The following ANKFY1 variants were observed in gnomAD, a reference collection of about 807,000 sequenced individuals.
ANKFY1 encodes the protein ankyrin repeat and FYVE domain-containing protein 1.
A neutral mutation model predicts 128.3 loss-of-function variants in ANKFY1; 47 were observed. The ratio of observed to expected loss-of-function variants is 0.37; its 90% CI spans 0.29 to 0.47. The LOEUF (loss-of-function observed/expected upper bound fraction) is 0.47, where lower values mean the gene tolerates loss of function less well. ANKFY1 is among the 20% of genes least tolerant of loss of function. The pLI, the probability that ANKFY1 is intolerant of heterozygous loss-of-function variation, is 1.00. For missense variants in ANKFY1, 1,222 were observed against 1,510.6 expected, an observed-to-expected ratio of 0.81 and a Z score of 3.17; for synonymous variants, 553 against 601.6, an observed-to-expected ratio of 0.92 and a Z score of 1.18.
At chr17:4,208,120 C>A (rs1453653353) in intron 5 of ANKFY1, 38 bp from the exon 6 acceptor site, 1 of 1,557,248 alleles carries the variant, frequency 6.4e-7, no homozygotes, top group Non-Finnish European at 8.7e-7. Flanking sequence ...AGAACAGACA[C>A]AAGGCAATGA....
chr17:4,263,624 T>C, intron 1 of ANKFY1: 1 of 1,534,792 alleles, frequency 6.5e-7, no homozygotes. Context: ...CCGCCGGCAA[T>C]CAAGAGCCTC....
chr17:4,233,779 C>G (rs1415725768), intron 3 of ANKFY1, among the ~76,000 whole-genome samples: 2 of 152,170 alleles, frequency 1.3e-5, no homozygotes, highest in Admixed American at 6.5e-5. Flanking sequence ...GGCCTGTTTC[C>G]TCCAGCAGAG....
chr17:4,202,646 G>GAGATT (rs1338936730), intron 7 of ANKFY1, among the ~76,000 whole-genome samples: 2 of 127,836 alleles, frequency 1.6e-5, no homozygotes, highest in South Asian at 2.6e-4. Context: ...GCAGTGAGTC[G>GAGATT]AGATTGTGCC....
chr17:4,237,954 G>A (rs1966992089), intron 2 of ANKFY1, among the ~76,000 whole-genome samples: 1 of 151,942 alleles, frequency 6.6e-6, no homozygotes, highest in African/African-American at 2.4e-5. Flanking sequence ...AGGTTTGTTT[G>A]GTAAAAGAAT....
chr17:4,217,273 G>A (rs141119610), intron 3 of ANKFY1, among the ~76,000 whole-genome samples, 155 bp from the exon 4 acceptor site: 2 of 152,220 alleles, frequency 1.3e-5, no homozygotes, highest in Admixed American at 1.3e-4. Context: ...ACTCGGCCGG[G>A]TGCAGTGGCT....
intron 3 of ANKFY1, among the ~76,000 whole-genome samples, chr17:4,220,646 C>T (rs1037027797): frequency 1.3e-5 from 2 of 152,182 alleles, no homozygotes; most frequent in East Asian, 3.8e-4. Flanking sequence ...TACAAGCTTT[C>T]CCACTCCTGC....
intron 2 of ANKFY1, among the ~76,000 whole-genome samples, chr17:4,240,820 T>C (rs1000916460): frequency 2.0e-5 from 3 of 152,322 alleles, no homozygotes. Context: ...CTACCCTGCT[T>C]TTCCCACCTC....
chr17:4,170,685 C>T (rs1230379624), intron 23 of ANKFY1, 30 bp downstream of exon 23: 1 of 1,589,212 alleles, frequency 6.3e-7, no homozygotes, highest in Non-Finnish European at 8.6e-7. Context: ...ACTGTGCTTG[C>T]ACTGTGAGAG....
intron 2 of ANKFY1, among the ~76,000 whole-genome samples, chr17:4,241,227 AG>A (rs1474821891): frequency 1.3e-5 from 2 of 151,022 alleles, no homozygotes; most frequent in African/African-American, 4.9e-5. Flanking sequence ...TATAGATTGA[AG>A]TCACATAGCT....
chr17:4,252,090 CAAT>C (rs1967865903), intron 1 of ANKFY1, among the ~76,000 whole-genome samples: 1 of 148,540 alleles, frequency 6.7e-6, no homozygotes, highest in Admixed American at 6.7e-5. Flanking sequence ...TCTTACAGCT[CAAT>C]AAGACAACCC....
chr17:4,251,209 T>C (rs565588405), intron 1 of ANKFY1, among the ~76,000 whole-genome samples: 2 of 152,310 alleles, frequency 1.3e-5, no homozygotes, highest in African/African-American at 4.8e-5. Context: ...TGGAGATCCA[T>C]ATGAAAACGC....
chr17:4,222,871 C>T (rs1178009638), intron 3 of ANKFY1: 53 of 970,084 alleles, frequency 5.5e-5, no homozygotes, highest in Non-Finnish European at 7.9e-5. Context: ...ACTCAGTATC[C>T]GAGAGCTGAC....
intron 7 of ANKFY1, 48 bp downstream of exon 7, chr17:4,206,273 G>C: frequency 6.3e-7 from 1 of 1,588,472 alleles, no homozygotes; most frequent in Non-Finnish European, 8.6e-7. Context: ...AAAATTACTC[G>C]GATAAAAATA....
chr17:4,189,315 C>A lies in ANKFY1; in HGVS notation c.1470+67G>T, dbSNP rs2059669539. ...AAACCACCTATTCCCCTTTTTCCTA[C>A]ATATCCACCACTGCCATTTCTTCCA... On this transcript the variant is annotated intron_variant, in intron 11 of 24. Coordinates refer to ENST00000341657, the MANE Select transcript of ANKFY1 (RefSeq NM_001330063.2). 1.8e-5 allele frequency: 24 copies of A among 1,359,544 alleles called. No homozygotes were observed. In the East Asian group the frequency reaches 6.1e-4, roughly 35 times the overall value. The allele number at this position is 1,359,544 out of a possible 1,614,324, so 84.2% of individuals were successfully genotyped here. A position where few individuals can be genotyped will look rare whatever the true frequency, so the allele number is the denominator to read the frequency against.
intron 10 of ANKFY1, 151 bp downstream of exon 10, chr17:4,194,827 C>T: frequency 1.4e-6 from 1 of 727,826 alleles, no homozygotes; most frequent in Non-Finnish European, 2.3e-6. Flanking sequence ...AAAATGACAA[C>T]CCAGGCTTTT....
chr17:4,186,912 C>A (rs947254079), intron 11 of ANKFY1: 1 of 1,108,702 alleles, frequency 9.0e-7, no homozygotes, highest in African/African-American at 1.6e-5. Flanking sequence ...TGTAGAAATT[C>A]AAAAATCACA....
rs573535421 is a variant in ANKFY1, at chr17:4,251,421, G to C, written c.11-8973C>G. Among the ~76,000 whole-genome samples, 4 of 151,856 alleles carry C rather than the reference G, an allele frequency of 2.6e-5. No individual in the cohort carries two copies. The South Asian group carries it at 8.3e-4, about 32-fold the overall frequency. On this transcript the variant is annotated intron_variant, in intron 1 of 24. Transcript: ENST00000341657. The stretch of plus-strand genomic sequence containing the variant: ...ATCTGTGAATAGCCACTGCACTCCA[G>C]CCTGGGAAACCCCATCTTCCTGTCT...
intron 18 of ANKFY1, 79 bp from the exon 19 acceptor site, chr17:4,177,381 C>G (rs1051923099): frequency 1.5e-6 from 2 of 1,333,534 alleles, no homozygotes; most frequent in Non-Finnish European, 2.0e-6. Context: ...GCTGAACTGA[C>G]CACTGGAGAG....
At position 4,173,932 on chromosome 17, in the gene ANKFY1, G is replaced by C; in HGVS notation, c.2900C>G (p.Ala967Gly). ...VLLENGVDFA[A>G]VDENGNNALH... ...ACCATTGTTTCCATTCTCATCCACG[G>C]CAGCAAAGTCCACGCCATTCTCTAG... is the stretch of plus-strand genomic sequence containing the variant. The change falls in exon 20 of 25, where the codon GCC (alanine) becomes GGC (glycine). Residue 967 changes from alanine (A) to glycine (G), a missense_variant. Transcript: ENST00000341657. The C allele has an allele frequency of 6.2e-7, 1 of 1,613,618 alleles. No homozygotes were observed. Among genetic ancestry groups the C allele is most frequent in the Non-Finnish European group, 8.5e-7 (1 of 1,179,612 alleles).
Sources: allele counts gnomAD v4.1 joint callset (sites outside exome capture counted in the v4.1 genomes callset), GRCh38; gene constraint gnomAD v4.1.1; transcripts MANE v1.5; gene names NCBI Gene and HGNC (gene_info 2026-07-23, HGNC 2026-07-21).